Variants in MANEAL observed in about 807,000 individuals in gnomAD.
MANEAL encodes mannosidase endo-alpha like, also known as glycoprotein endo-alpha-1,2-mannosidase-like protein.
Under a neutral mutation model 35.9 loss-of-function variants are expected in MANEAL, and 28 were observed. The observed-to-expected ratio is 0.78, with a 90% CI of 0.58 to 1.07. The LOEUF (loss-of-function observed/expected upper bound fraction) is 1.07. Among genes scored for constraint, MANEAL ranks in the 50% least tolerant of loss-of-function variants. The probability of loss-of-function intolerance (pLI) is 0.00; values close to 1 mark genes in which losing one functional copy is unlikely to be tolerated. For missense variants in MANEAL, 576 were observed against 629.6 expected (o/e 0.91, Z 0.91); for synonymous variants, 286 against 272.2 (o/e 1.05, Z -0.50).
intron 3 of MANEAL, among the ~76,000 whole-genome samples, chr1:37,797,304 G>A (rs539941315): frequency 1.3e-5 from 2 of 151,984 alleles, no homozygotes; most frequent in Admixed American, 6.5e-5. Context: ...AGGAGGCTGA[G>A]GCAGGAAAAT....
chr1:37,795,732 C>G lies in MANEAL; in HGVS notation c.551-5C>G. On this transcript the variant is annotated splice_region_variant and splice_polypyrimidine_tract_variant and intron_variant, in intron 1 of 3. Transcript: ENST00000373045. ...CTCTGAAGTGGCCTCTGTGTTGCGT[C>G]TCAGGCGTCCTGGTCCTGTCCTGGT... 6.2e-7 allele frequency: 1 copy of G among 1,614,164 alleles called. No individual in the cohort carries two copies. Among genetic ancestry groups the G allele is most frequent in the Non-Finnish European group, 8.5e-7 (1 of 1,180,000 alleles).
Position 37,794,461 on chromosome 1 carries a change from C to A in MANEAL, c.279C>A (p.Pro93=). 6.4e-7 allele frequency: 1 copy of A among 1,563,548 alleles called. No homozygotes were observed. Among genetic ancestry groups the A allele is most frequent in the South Asian group, 1.2e-5 (1 of 85,458 alleles). Residue 93 remains proline (P), a synonymous_variant, in exon 1 of 4, where the codon CCC becomes CCA. Transcript: ENST00000373045. The surrounding 1 kb of genome is among the most constrained non-coding windows in gnomAD (Gnocchi z 5.7). ...GGCCGGCACCCGCGGAGGCCGAGCC[C>A]GCCCCCGTGCAGAGCCTGCGCGTCT... is the stretch of plus-strand genomic sequence containing the variant. ...SPGPAPAEAE[P]APVQSLRVYS...
rs761664100 is a variant in MANEAL, at chr1:37,799,926, G to T, written c.1097G>T (p.Ser366Ile). The change falls in exon 4 of 4, where the codon AGC (serine) becomes ATC (isoleucine). Residue 366 changes from serine to isoleucine, a missense_variant. Ser to Ile is a moderately radical substitution (Grantham distance 142). Coordinates refer to ENST00000373045, the MANE Select transcript of MANEAL (RefSeq NM_001113482.2). The surrounding 1 kb of genome is among the most constrained non-coding windows in gnomAD (Gnocchi z 4.1). ...GTGGGGCCTGGCTACATAGACACCA[G>T]CATTCGGCCCTGGAACAACCACAAT... ...PSVGPGYIDTSIRPWNNHNTR... is the reference protein window; with the variant it reads ...PSVGPGYIDTIIRPWNNHNTR... The T allele has an allele frequency of 6.2e-7, 1 of 1,614,102 alleles. No homozygotes were observed. Among genetic ancestry groups the T allele is most frequent in the African/African-American group, 1.3e-5 (1 of 74,940 alleles).
chr1:37,794,743 C>T lies in MANEAL; in HGVS notation c.550+11C>T. The T allele has an allele frequency of 9.1e-6, 14 of 1,540,596 alleles. No individual in the cohort carries two copies. The highest frequency in any genetic ancestry group is 1.2e-5 in the Non-Finnish European group (14 of 1,144,078). On this transcript the variant is annotated intron_variant, in intron 1 of 3. Coordinates refer to ENST00000373045, the MANE Select transcript of MANEAL (RefSeq NM_001113482.2). The surrounding 1 kb of genome is among the most constrained non-coding windows in gnomAD (Gnocchi z 5.7). ...AGGAAGCCGCCATCGGTGAGCGCCCCCCACCCCGGGCGGCCCTGCCCCCCA... is the reference window on the plus strand; with the variant it reads ...AGGAAGCCGCCATCGGTGAGCGCCCTCCACCCCGGGCGGCCCTGCCCCCCA...
Position 37,799,632 on chromosome 1 carries a change from A to G in MANEAL, c.803A>G (p.Tyr268Cys). 6.2e-7 allele frequency: 1 copy of G among 1,614,068 alleles called. No individual in the cohort carries two copies. The change falls in exon 4 of 4, where the codon TAT becomes TGT. Residue 268 changes from tyrosine (Y) to cysteine (C), a missense_variant. By Grantham distance (194) the Tyr-to-Cys change is radical. Around this residue, in one of 3 missense-constraint regions of MANEAL, gnomAD observed 449 missense variants for 516.1 expected, o/e 0.87. Coordinates refer to ENST00000373045, the MANE Select transcript of MANEAL (RefSeq NM_001113482.2). The surrounding 1 kb of genome is among the most constrained non-coding windows in gnomAD (Gnocchi z 4.1). ...NSMGKSLPLF[Y>C]IYDSYLTSPE... ...ATGGGCAAGAGCCTCCCACTCTTTTATATCTACGACTCATACCTGACGTCC... is the reference window on the plus strand; with the variant it reads ...ATGGGCAAGAGCCTCCCACTCTTTTGTATCTACGACTCATACCTGACGTCC...
rs1236108608 is a variant in MANEAL, at chr1:37,800,348, T to C, written c.*145T>C. The C allele has an allele frequency of 6.2e-6, 6 of 964,146 alleles. No homozygotes were observed. The highest frequency in any genetic ancestry group is 1.6e-5 in the South Asian group (1 of 61,432). 59.7% of individuals were successfully genotyped at this position (964,146 alleles called of 1,614,324 possible). ...GTGTTTCTGGGTGGGCCGTCAGGCA[T>C]GGGCCTGTGCAACACAGAGCCCGTT... On this transcript the variant is annotated 3_prime_UTR_variant, in exon 4 of 4. Coordinates refer to ENST00000373045, the MANE Select transcript of MANEAL (RefSeq NM_001113482.2).
rs879936658 is a variant in MANEAL at position 37,800,023 on chromosome 1, C to G, written c.1194C>G (p.Ile398Met). The G allele has an allele frequency of 3.1e-6, 5 of 1,614,206 alleles. No individual in the cohort carries two copies. The highest frequency in any genetic ancestry group is 1.7e-5 in the Admixed American group (1 of 60,030). ...CGGCCCTGACAGTGAGGCCCGAGATCGTTTCCATTACCTCCTTCAATGAGT... is the reference window on the plus strand; with the variant it reads ...CGGCCCTGACAGTGAGGCCCGAGATGGTTTCCATTACCTCCTTCAATGAGT... ...LQAALTVRPE[I>M]VSITSFNEWH... Residue 398 changes from isoleucine (I) to methionine (M), a missense_variant, in exon 4 of 4, where the codon ATC becomes ATG. Physicochemically the swap from Ile to Met is conservative, Grantham distance 10. Around this residue, in one of 3 missense-constraint regions of MANEAL, gnomAD observed 449 missense variants for 516.1 expected, o/e 0.87. Transcript: ENST00000373045.
At position 37,793,969 on chromosome 1, in the gene MANEAL, C is replaced by G. The variant is rs972393916; in HGVS notation, c.-214C>G. Reference sequence around the variant, plus strand: ...CGTTCGCTGGGCCTTGCGTTGCACTCGGCGTGCAGTTCCCCCTCGGCTCGC... The same window carrying G: ...CGTTCGCTGGGCCTTGCGTTGCACTGGGCGTGCAGTTCCCCCTCGGCTCGC... On this transcript the variant is annotated 5_prime_UTR_variant, in exon 1 of 4. Coordinates refer to ENST00000373045, the MANE Select transcript of MANEAL (RefSeq NM_001113482.2). 5.7e-6 allele frequency: 1 copy of G among 174,050 alleles called. No individual in the cohort carries two copies. The highest frequency in any genetic ancestry group is 2.4e-5 in the African/African-American group (1 of 41,814). 10.8% of individuals were successfully genotyped at this position (174,050 alleles called of 1,614,324 possible).
chr1:37,795,763 C>G lies in MANEAL; in HGVS notation c.577C>G (p.Pro193Ala). The G allele has an allele frequency of 6.2e-7, 1 of 1,614,180 alleles. No individual in the cohort carries two copies. The highest frequency in any genetic ancestry group is 8.5e-7 in the Non-Finnish European group (1 of 1,180,014). ...IGVLVLSWYP[P>A]GMADDNGEPS... is the part of the protein sequence containing the mutation. ...CGTCCTGGTCCTGTCCTGGTACCCACCTGGCATGGCTGATGATAACGGGGA... is the reference window on the plus strand; with the variant it reads ...CGTCCTGGTCCTGTCCTGGTACCCAGCTGGCATGGCTGATGATAACGGGGA... The change falls in exon 2 of 4, where the codon CCT (proline) becomes GCT (alanine). Residue 193 changes from proline (P) to alanine (A), a missense_variant. By Grantham distance (27) the Pro-to-Ala change is conservative (BLOSUM62 -1). Coordinates refer to ENST00000373045, the MANE Select transcript of MANEAL (RefSeq NM_001113482.2).
chr1:37,794,205 C>T lies in MANEAL; in HGVS notation c.23C>T (p.Ala8Val), dbSNP rs1228717863. Residue 8 changes from alanine to valine, a missense_variant, in exon 1 of 4, where the codon GCC (alanine) becomes GTC (valine). Ala to Val is a moderately conservative substitution (Grantham distance 64). Transcript: ENST00000373045. This position sits in a 1 kb window ranked among gnomAD's most constrained non-coding sequence, Gnocchi z 5.7. ...GCCATGGCCCGGCGGCGGCGCCGCG[C>T]CTGCATCGCTCTGTTCCTGGTGCTG... The part of the protein sequence containing the change: MARRRRR[A>V]CIALFLVLLF... The T allele has an allele frequency of 1.7e-5, 22 of 1,301,144 alleles. No homozygotes were observed. Among genetic ancestry groups the T allele is most frequent in the Admixed American group, 2.9e-5 (1 of 34,166 alleles). 80.6% of individuals were successfully genotyped at this position (1,301,144 alleles called of 1,614,324 possible). A position where few individuals can be genotyped will look rare whatever the true frequency, so the allele number is the denominator to read the frequency against.
At position 37,793,880 on chromosome 1, in the gene MANEAL, G is replaced by A. The variant is rs1217437320; in HGVS notation, c.-303G>A. 1 of 153,178 alleles carries A rather than the reference G, an allele frequency of 6.5e-6. No homozygotes were observed. 9.5% of individuals were successfully genotyped at this position (153,178 alleles called of 1,614,324 possible). A position where few individuals can be genotyped will look rare whatever the true frequency, so the allele number is the denominator to read the frequency against. On this transcript the variant is annotated 5_prime_UTR_variant, in exon 1 of 4. Transcript: ENST00000373045. ...CCACCTGCCGCCCAGGCAGCCAGGC[G>A]ACTCTTCTTTCGCGGGTCACGCGGC... is the stretch of plus-strand genomic sequence containing the variant.
At chr1:37,797,475 T>A (rs1252294970) in intron 3 of MANEAL, among the ~76,000 whole-genome samples, 1 of 151,020 alleles carries the variant, frequency 6.6e-6, no homozygotes, top group Non-Finnish European at 1.5e-5. Flanking sequence ...TTTTTTTTTT[T>A]TTTTTCTTTT....
intron 3 of MANEAL, among the ~76,000 whole-genome samples, chr1:37,798,285 G>A (rs1188241712): frequency 6.6e-6 from 1 of 152,260 alleles, no homozygotes; most frequent in African/African-American, 2.4e-5. Context: ...AGTGTATGTT[G>A]CAGGTACTGT....
chr1:37,796,591 GGCA>G (rs1646646885), intron 2 of MANEAL, among the ~76,000 whole-genome samples, 150 bp from the exon 3 acceptor site: 1 of 152,166 alleles, frequency 6.6e-6, no homozygotes, highest in Non-Finnish European at 1.5e-5. Context: ...GGCCTTCAAG[GGCA>G]GCAGCTGCCT....
intron 3 of MANEAL, among the ~76,000 whole-genome samples, chr1:37,798,336 C>A (rs1646663794): frequency 6.6e-6 from 1 of 152,202 alleles, no homozygotes; most frequent in South Asian, 2.1e-4. Flanking sequence ...AAACAGTGAT[C>A]TGTACAGGAT....
At chr1:37,796,958 G>T in intron 3 of MANEAL, 138 bp downstream of exon 3, 1 of 840,388 alleles carries the variant, frequency 1.2e-6, no homozygotes, top group Non-Finnish European at 1.9e-6. Flanking sequence ...AGAGAGTACT[G>T]GGCCTAAAGT....
rs757306429 is a variant in MANEAL at position 37,796,755 on chromosome 1, C to T, written c.672C>T (p.His224=). The T allele has an allele frequency of 2.5e-6, 4 of 1,597,374 alleles. No homozygotes were observed. The highest frequency in any genetic ancestry group is 1.8e-5 in the Admixed American group (1 of 56,682). Residue 224 remains histidine, a synonymous_variant, in exon 3 of 4, where the codon CAC becomes CAT. Transcript: ENST00000373045. ...AHQYSIQVAF[H]IQPYKGRDDI... The stretch of plus-strand genomic sequence containing the variant: ...TCTGTTTGTGGCAGGTGGCCTTCCA[C>T]ATCCAACCCTACAAGGGCCGGGATG...
intron 2 of MANEAL, 145 bp from the exon 3 acceptor site, chr1:37,796,599 C>T: frequency 2.8e-6 from 2 of 718,906 alleles, no homozygotes; most frequent in Non-Finnish European, 4.6e-6. Context: ...AGGGCAGCAG[C>T]TGCCTTTATC....
In MANEAL at chr1:37,794,102, G is replaced by C. The variant is rs1220794769; in HGVS notation, c.-81G>C. 4.6e-5 allele frequency: 46 copies of C among 997,952 alleles called. No individual in the cohort carries two copies. The highest frequency in any genetic ancestry group is 5.5e-5 in the Non-Finnish European group (45 of 821,766). The allele number at this position is 997,952 out of a possible 1,614,324, so 61.8% of individuals were successfully genotyped here. A position where few individuals can be genotyped will look rare whatever the true frequency, so the allele number is the denominator to read the frequency against. ...GCTCTGCCGGGCGCACAGTCTGCCT[G>C]GGAAGCGCGCGGCCGGGCGGGCGGC... On this transcript the variant is annotated 5_prime_UTR_variant, in exon 1 of 4. Transcript: ENST00000373045. The surrounding 1 kb of genome is among the most constrained non-coding windows in gnomAD (Gnocchi z 5.7).
Sources: allele counts gnomAD v4.1 joint callset (sites outside exome capture counted in the v4.1 genomes callset), GRCh38; gene constraint gnomAD v4.1.1; regional missense constraint gnomAD v4.1.1; non-coding constraint Gnocchi (gnomAD v3.1); transcripts MANE v1.5; gene names NCBI Gene and HGNC (gene_info 2026-07-23, HGNC 2026-07-21).